Variants in SERINC5 observed in about 807,000 individuals in gnomAD.
SERINC5 encodes chromosome 5 open reading frame 12.
Under a neutral mutation model 63.1 loss-of-function variants are expected in SERINC5, and 41 were observed. The observed-to-expected ratio is 0.65, with a 90% CI of 0.51 to 0.84. The LOEUF (loss-of-function observed/expected upper bound fraction) is 0.84, where lower values mean the gene tolerates loss of function less well. Ranked by LOEUF, SERINC5 falls within the 40% of genes least tolerant of loss-of-function variation. The pLI is 0.00. For synonymous variants in SERINC5, 222 were observed against 215.2 expected, an observed-to-expected ratio of 1.03 and a Z score of -0.28; for missense variants, 523 against 573.0, an observed-to-expected ratio of 0.91 and a Z score of 0.89.
Position 80,164,126 on chromosome 5 carries a change from T to C in SERINC5, c.859+2257A>G, listed in dbSNP as rs1747116071. ...TATCCATTTCCTCTAGCTTTTCTAG[T>C]TTGTAAGTATATGGAAGTTCATAAT... is the stretch of plus-strand genomic sequence containing the variant. On this transcript the variant is annotated intron_variant, in intron 7 of 11. Transcript: ENST00000507668. Among the ~76,000 whole-genome samples, 3 of 152,180 alleles carry C rather than the reference T, an allele frequency of 2.0e-5. No individual in the cohort carries two copies. In the South Asian group the frequency reaches 6.2e-4, roughly 31 times the overall value.
In SERINC5 at chr5:80,141,249, G is replaced by A. The variant is rs1025245257; in HGVS notation, c.*2414C>T. 15 of 985,294 alleles carry A rather than the reference G, an allele frequency of 1.5e-5. No homozygotes were observed. Among genetic ancestry groups the A allele is most frequent in the African/African-American group, 5.2e-5 (3 of 57,192 alleles). 61.0% of individuals were successfully genotyped at this position (985,294 alleles called of 1,614,324 possible). A position where few individuals can be genotyped will look rare whatever the true frequency, so the allele number is the denominator to read the frequency against. ...CTCTTCCTCTTGCATCAGACCAACC[G>A]GCAGAAGGGAACGGGATGTCACAAA... On this transcript the variant is annotated 3_prime_UTR_variant, in exon 12 of 12. Coordinates refer to ENST00000507668, the MANE Select transcript of SERINC5 (RefSeq NM_001174072.3).
chr5:80,155,376 C>T (rs111978365), intron 8 of SERINC5, among the ~76,000 whole-genome samples: 1,906 of 152,210 alleles, frequency 0.013, 44 homozygotes, highest in African/African-American at 0.044. Flanking sequence ...ACCAGCCTGA[C>T]CAACATGGTG....
downstream of SERINC5, among the ~76,000 whole-genome samples, chr5:80,136,224 A>C (rs1332053420): frequency 6.6e-6 from 1 of 152,142 alleles, no homozygotes; most frequent in African/African-American, 2.4e-5. Flanking sequence ...TGGAGGCTGC[A>C]GTGAGCTACG....
At chr5:80,133,953 A>AACCAATTTATCAATCTGGTTAGGG (rs1745050403), downstream of SERINC5, among the ~76,000 whole-genome samples, 1 of 152,130 alleles carries the variant, frequency 6.6e-6, no homozygotes. Context: ...AGACCAGATG[A>AACCAATTTATCAATCTGGTTAGGG]ACCAATTTAT....
intron 2 of SERINC5, among the ~76,000 whole-genome samples, chr5:80,201,210 T>C (rs956843853): frequency 6.6e-6 from 1 of 152,196 alleles, no homozygotes; most frequent in African/African-American, 2.4e-5. Context: ...ATGTCATCCC[T>C]ACTGTGGGCA....
intron 11 of SERINC5, among the ~76,000 whole-genome samples, chr5:80,114,096 G>A (rs1264675480): frequency 2.0e-5 from 3 of 151,984 alleles, no homozygotes; most frequent in Admixed American, 2.0e-4. Context: ...TACAAGGAGT[G>A]GGCCCAAACA....
chr5:80,191,544 G>C (rs1489449249), intron 2 of SERINC5, among the ~76,000 whole-genome samples: 7 of 149,058 alleles, frequency 4.7e-5, no homozygotes. Context: ...CACATCTATG[G>C]TCCCGGTTAC....
At chr5:80,239,840 T>C (rs1423598181) in intron 1 of SERINC5, among the ~76,000 whole-genome samples, 4 of 151,424 alleles carry the variant, frequency 2.6e-5, no homozygotes, top group Admixed American at 1.3e-4. Context: ...GCCTCTGGAG[T>C]TGTTTGTTTA....
chr5:80,199,830 C>A (rs890405299), intron 2 of SERINC5, among the ~76,000 whole-genome samples: 1 of 152,130 alleles, frequency 6.6e-6, no homozygotes, highest in Non-Finnish European at 1.5e-5. Context: ...AGAGTTCCCA[C>A]CACAGTACCA....
intron 1 of SERINC5, among the ~76,000 whole-genome samples, chr5:80,212,420 T>TTCC (rs1202683236): frequency 3.9e-5 from 6 of 152,200 alleles, no homozygotes; most frequent in Non-Finnish European, 5.9e-5. Flanking sequence ...TAATACATAA[T>TTCC]ACTGCCCATG....
At chr5:80,203,879 G>A (rs190376643) in intron 1 of SERINC5, among the ~76,000 whole-genome samples, 18 of 152,118 alleles carry the variant, frequency 1.2e-4, no homozygotes, top group African/African-American at 3.6e-4. Context: ...TTAGAGGGTC[G>A]GAACTTTCAG....
At chr5:80,191,928 C>A (rs1022965748) in intron 2 of SERINC5, among the ~76,000 whole-genome samples, 1 of 152,174 alleles carries the variant, frequency 6.6e-6, no homozygotes, top group Non-Finnish European at 1.5e-5. Context: ...GGGAGAATAA[C>A]TGCACATAAC....
chr5:80,166,825 A>T, intron 6 of SERINC5: 1 of 211,186 alleles, frequency 4.7e-6, no homozygotes, highest in East Asian at 1.2e-4. Context: ...AAAAATTACC[A>T]TAGTTGTTGA....
intron 1 of SERINC5, among the ~76,000 whole-genome samples, chr5:80,237,094 T>C (rs1707919079): frequency 6.6e-6 from 1 of 152,150 alleles, no homozygotes. Flanking sequence ...CCCAAAGTGC[T>C]GGGATTACAG....
At chr5:80,171,460 G>C (rs1225415307) in intron 5 of SERINC5, among the ~76,000 whole-genome samples, 2 of 152,182 alleles carry the variant, frequency 1.3e-5, no homozygotes, top group African/African-American at 2.4e-5. Flanking sequence ...GTACTGAAGA[G>C]AAGGACCTGT....
At chr5:80,115,560 T>A (rs1035586679) in intron 11 of SERINC5, among the ~76,000 whole-genome samples, 2 of 152,056 alleles carry the variant, frequency 1.3e-5, no homozygotes, top group Non-Finnish European at 2.9e-5. Context: ...GAGGGTAGAA[T>A]TTGTTCTATT....
Position 80,203,016 on chromosome 5 carries a change from CAG to C in SERINC5, c.63_64del (p.Cys22LeufsTer2), listed in dbSNP as rs1749945483. ...CCGAATCCTGGGGCAGCAATCACAG[CAG>C]AGAGAGCAGCCTGCAGACCCACAGC... On this transcript the variant is annotated frameshift_variant, in exon 2 of 12. Coordinates refer to ENST00000507668, the MANE Select transcript of SERINC5 (RefSeq NM_001174072.3). LOFTEE classifies it high-confidence loss of function. The C allele has an allele frequency of 6.2e-7, 1 of 1,612,278 alleles. No individual in the cohort carries two copies. Among genetic ancestry groups the C allele is most frequent in the Non-Finnish European group, 8.5e-7 (1 of 1,179,070 alleles).
chr5:80,167,909 C>T (rs1304266247), intron 6 of SERINC5, among the ~76,000 whole-genome samples: 1 of 152,130 alleles, frequency 6.6e-6, no homozygotes, highest in Admixed American at 6.5e-5. Context: ...CCAAAATTAT[C>T]ATTATTAAAT....
chr5:80,238,462 G>T (rs1751805411), intron 1 of SERINC5, among the ~76,000 whole-genome samples: 2 of 152,082 alleles, frequency 1.3e-5, no homozygotes, highest in African/African-American at 4.8e-5. Flanking sequence ...AGTTTAAACA[G>T]ATTTTATTAC....
Sources: allele counts gnomAD v4.1 joint callset (sites outside exome capture counted in the v4.1 genomes callset), GRCh38; gene constraint gnomAD v4.1.1; transcripts MANE v1.5; gene names NCBI Gene and HGNC (gene_info 2026-07-23, HGNC 2026-07-21).